FAM13A: variants seen among roughly 807,000 people sequenced by gnomAD.
The protein encoded by FAM13A is family with sequence similarity 13 member A.
A neutral mutation model predicts 129.6 loss-of-function variants in FAM13A; 76 were observed. The observed-to-expected ratio is 0.59, with a 90% CI of 0.49 to 0.71. The LOEUF is 0.71. Ranked by LOEUF, FAM13A falls within the 30% of genes least tolerant of loss-of-function variation. The pLI, the probability that FAM13A is intolerant of heterozygous loss-of-function variation, is 0.00. For missense variants in FAM13A, 1,108 were observed against 1,249.3 expected (o/e 0.89, Z 1.70); for synonymous variants, 443 against 449.9 (o/e 0.98, Z 0.20).
At chr4:88,743,595 G>C (rs553015115) in intron 19 of FAM13A, among the ~76,000 whole-genome samples, 26 of 152,238 alleles carry the variant, frequency 1.7e-4, no homozygotes, top group Admixed American at 2.0e-4. Context: ...ATAAGAAGTA[G>C]GATCTTTAAC....
intron 4 of FAM13A, among the ~76,000 whole-genome samples, chr4:88,961,539 T>C (rs1179105226): frequency 6.6e-6 from 1 of 151,926 alleles, no homozygotes; most frequent in African/African-American, 2.4e-5. Context: ...GGCTAATTTT[T>C]TGTATTTTTA....
rs748491011 is a variant in FAM13A, at chr4:88,841,868, G to A, written c.1007+9152C>T. On this transcript the variant is annotated intron_variant, in intron 7 of 23. Coordinates refer to ENST00000264344, the MANE Select transcript of FAM13A (RefSeq NM_014883.4). ...CATTCCTCAAAAAGTTAAACATAGA[G>A]TTAACATATGATTCAGCAATTCCAC... is the stretch of plus-strand genomic sequence containing the variant. Among the ~76,000 whole-genome samples, 41 of 152,128 alleles carry A rather than the reference G, an allele frequency of 2.7e-4. 1 individual carries two copies. Among genetic ancestry groups the A allele is most frequent in the Admixed American group, 2.6e-3 (40 of 15,272 alleles).
chr4:88,818,616 C>G (rs73842244), intron 7 of FAM13A, among the ~76,000 whole-genome samples: 229 of 152,260 alleles, frequency 1.5e-3, no homozygotes, highest in African/African-American at 5.5e-3. Flanking sequence ...CATGTGAGAA[C>G]AGAGCCCACA....
At position 88,767,541 on chromosome 4, in the gene FAM13A, TTAGC is replaced by T. The variant is rs769708833; in HGVS notation, c.1578+8_1578+11del. Reference sequence around the variant, plus strand: ...CCCGTCACAGTCTTACTCTTGCTTGTTAGCTACTCACCTCAAAATGCTGAGTGTG... The same window carrying T: ...CCCGTCACAGTCTTACTCTTGCTTGTTACTCACCTCAAAATGCTGAGTGTG... On this transcript the variant is annotated splice_region_variant and intron_variant, in intron 13 of 23. Coordinates refer to ENST00000264344, the MANE Select transcript of FAM13A (RefSeq NM_014883.4). 1.6e-5 allele frequency: 26 copies of T among 1,594,268 alleles called. No homozygotes were observed. Among genetic ancestry groups the T allele is most frequent in the Non-Finnish European group, 2.1e-5 (25 of 1,173,286 alleles).
At chr4:88,828,770 C>A (rs1733435663) in intron 7 of FAM13A, among the ~76,000 whole-genome samples, 1 of 152,166 alleles carries the variant, frequency 6.6e-6, no homozygotes, top group Non-Finnish European at 1.5e-5. Context: ...AAACTGGATG[C>A]CACATGTAGG....
At chr4:88,779,512 TAC>T (rs1310612188) in intron 11 of FAM13A, among the ~76,000 whole-genome samples, 1 of 152,196 alleles carries the variant, frequency 6.6e-6, no homozygotes, top group East Asian at 1.9e-4. Context: ...ACCCTCACTT[TAC>T]AGATGAGGAA....
At chr4:89,045,211 A>G (rs2149168549) in intron 1 of FAM13A, among the ~76,000 whole-genome samples, 1 of 150,976 alleles carries the variant, frequency 6.6e-6, no homozygotes, top group African/African-American at 2.4e-5. Context: ...GACTGGTGGA[A>G]CTCAGGAAAT....
At chr4:88,966,491 G>T (rs981732877) in intron 4 of FAM13A, among the ~76,000 whole-genome samples, 2 of 152,152 alleles carry the variant, frequency 1.3e-5, no homozygotes, top group Non-Finnish European at 2.9e-5. Context: ...AGCATTAGCA[G>T]AACCATGGTT....
At chr4:88,911,971 T>A (rs1749150813) in intron 5 of FAM13A, among the ~76,000 whole-genome samples, 2 of 152,226 alleles carry the variant, frequency 1.3e-5, no homozygotes, top group South Asian at 4.1e-4. Flanking sequence ...TTTCACAGAA[T>A]CTGCCAAAAC....
chr4:88,970,131 G>C lies in FAM13A; in HGVS notation c.605+20842C>G, dbSNP rs969733305. Among the ~76,000 whole-genome samples, 56 of 152,310 alleles carry C rather than the reference G, an allele frequency of 3.7e-4. 1 individual carries two copies. The highest frequency in any genetic ancestry group is 1.3e-3 in the African/African-American group (54 of 41,562). On this transcript the variant is annotated intron_variant, in intron 4 of 23. Coordinates refer to ENST00000264344, the MANE Select transcript of FAM13A (RefSeq NM_014883.4). ...TATGAAAAGCTTATTACAGTTACTAGAATTTTAGCACTAGACAGTCCCCTT... is the reference window on the plus strand; with the variant it reads ...TATGAAAAGCTTATTACAGTTACTACAATTTTAGCACTAGACAGTCCCCTT...
At chr4:88,912,840 G>A (rs1426998256) in intron 5 of FAM13A, among the ~76,000 whole-genome samples, 1 of 152,154 alleles carries the variant, frequency 6.6e-6, no homozygotes, top group East Asian at 1.9e-4. Flanking sequence ...AATTAGGCAG[G>A]CATGGTGGCA....
At chr4:88,952,314 T>C (rs1757071081) in intron 4 of FAM13A, among the ~76,000 whole-genome samples, 1 of 152,010 alleles carries the variant, frequency 6.6e-6, no homozygotes, top group Non-Finnish European at 1.5e-5. Flanking sequence ...GTAATGTTAC[T>C]AAAAATAAAG....
intron 1 of FAM13A, among the ~76,000 whole-genome samples, chr4:89,044,831 A>C (rs549156534): frequency 6.6e-6 from 1 of 152,106 alleles, no homozygotes; most frequent in Admixed American, 6.6e-5. Flanking sequence ...AAAAAGACAA[A>C]AATTGTCTAG....
At chr4:88,875,690 G>T (rs950593395) in intron 6 of FAM13A, among the ~76,000 whole-genome samples, 1 of 152,308 alleles carries the variant, frequency 6.6e-6, no homozygotes, top group African/African-American at 2.4e-5. Flanking sequence ...TACACTGTTG[G>T]TGGGACTGTA....
At chr4:88,988,457 A>T (rs868144370) in intron 4 of FAM13A, among the ~76,000 whole-genome samples, 2 of 152,334 alleles carry the variant, frequency 1.3e-5, no homozygotes, top group Non-Finnish European at 1.5e-5. Flanking sequence ...ATTTTTAAGG[A>T]TGCATTATTA....
intron 6 of FAM13A, among the ~76,000 whole-genome samples, chr4:88,876,114 G>T (rs1208869633): frequency 6.6e-6 from 1 of 152,128 alleles, no homozygotes; most frequent in African/African-American, 2.4e-5. Flanking sequence ...ACACAGGGTG[G>T]GGAACATCCC....
chr4:88,823,723 C>T (rs987783557), intron 7 of FAM13A, among the ~76,000 whole-genome samples: 9 of 152,330 alleles, frequency 5.9e-5, no homozygotes, highest in African/African-American at 2.2e-4. Context: ...AAGCATGCCT[C>T]TAGACCCTTG....
At chr4:88,780,576 T>G (rs929726920) in intron 11 of FAM13A, among the ~76,000 whole-genome samples, 1 of 152,176 alleles carries the variant, frequency 6.6e-6, no homozygotes, top group African/African-American at 2.4e-5. Flanking sequence ...AGCCACTGAT[T>G]AAACCACTTG....
chr4:88,732,247 A>G, intron 21 of FAM13A, 49 bp from the exon 22 acceptor site: 1 of 1,343,668 alleles, frequency 7.4e-7, no homozygotes, highest in Non-Finnish European at 1.0e-6. Context: ...TTTTTGGGGC[A>G]GACTTTCATT....
Sources: gnomAD v4.1 joint callset for allele counts (sites outside exome capture counted in the v4.1 genomes callset) on GRCh38, gnomAD v4.1.1 for gene constraint, MANE v1.5 for transcripts, NCBI Gene and HGNC (gene_info 2026-07-23, HGNC 2026-07-21) for gene names.